RP1: variants seen among roughly 807,000 people sequenced by gnomAD.
RP1 encodes the protein RP1 axonemal microtubule associated, also known as oxygen-regulated protein 1.
A neutral mutation model predicts 14.8 loss-of-function variants in RP1; 16 were observed. The observed-to-expected ratio is 1.08, with a 90% CI of 0.73 to 1.65. RP1 has a LOEUF of 1.65. RP1 is among the 40% of genes most tolerant of loss of function. RP1 has a pLI of 0.00. For synonymous variants in RP1, 876 were observed against 883.6 expected (o/e 0.99, Z 0.15); for missense variants, 2,631 against 2,535.0 (o/e 1.04, Z -0.81).
chr8:54,625,367 G>A lies in RP1; in HGVS notation c.1485G>A (p.Lys495=). 6.2e-7 allele frequency: 1 copy of A among 1,614,068 alleles called. No homozygotes were observed. Among genetic ancestry groups the A allele is most frequent in the Non-Finnish European group, 8.5e-7 (1 of 1,180,028 alleles). Residue 495 remains lysine (K), a synonymous_variant, in exon 4 of 4, where the codon AAG becomes AAA. Transcript: ENST00000220676. ...AAGAAAGGGAAAGTGGGGAAAACAA[G>A]TCTGAGTATCACATGTTTACACATT... ...YSEERESGEN[K]SEYHMFTHSC...
At chr8:54,755,669 A>G (rs148712854) in exon 21 of RP1, 1 of 1,535,910 alleles carries the variant, frequency 6.5e-7, no homozygotes, top group Non-Finnish European at 8.7e-7. Flanking sequence ...GCATGCAGAG[A>G]CGGAGTCTGA....
intron 1 of RP1, among the ~76,000 whole-genome samples, chr8:54,567,371 G>A (rs1563314130): frequency 6.6e-6 from 1 of 151,972 alleles, no homozygotes; most frequent in Non-Finnish European, 1.5e-5. Flanking sequence ...TACCTTTCAG[G>A]AAACTACAAA....
At chr8:54,791,168 G>A (rs374297005) in intron 24 of RP1, among the ~76,000 whole-genome samples, 6 of 152,120 alleles carry the variant, frequency 3.9e-5, no homozygotes, top group African/African-American at 9.7e-5. Flanking sequence ...CTAGCAGAAC[G>A]CTTGCAGGCT....
At chr8:54,646,550 G>A (rs778421198) in intron 3 of RP1, among the ~76,000 whole-genome samples, 2 of 152,008 alleles carry the variant, frequency 1.3e-5, no homozygotes, top group African/African-American at 2.4e-5. Flanking sequence ...GCTTTCTGTC[G>A]ATTGAAATGT....
chr8:54,864,928 G>A (rs1240331379), intron 27 of RP1, among the ~76,000 whole-genome samples: 3 of 152,102 alleles, frequency 2.0e-5, no homozygotes, highest in Non-Finnish European at 2.9e-5. Context: ...TTGAGGTTTT[G>A]AATTAGTTTA....
intron 26 of RP1, among the ~76,000 whole-genome samples, chr8:54,853,460 G>A (rs1427066040): frequency 1.3e-5 from 2 of 152,122 alleles, no homozygotes; most frequent in Non-Finnish European, 2.9e-5. Flanking sequence ...ACCAGACTGG[G>A]CACCAGGAGC....
At chr8:54,800,130 G>GT (rs916877812) in intron 24 of RP1, among the ~76,000 whole-genome samples, 4 of 151,788 alleles carry the variant, frequency 2.6e-5, no homozygotes, top group Admixed American at 6.6e-5. Context: ...TGGATTGCCA[G>GT]TTTTTTTTCT....
At chr8:54,806,986 A>G (rs1448966417) in intron 24 of RP1, among the ~76,000 whole-genome samples, 1 of 152,248 alleles carries the variant, frequency 6.6e-6, no homozygotes, top group Non-Finnish European at 1.5e-5. Flanking sequence ...AAATTGAACA[A>G]AACAGGCACG....
chr8:54,741,511 A>G lies in RP1; in HGVS notation c.2808+2482A>G, dbSNP rs571137275. ...TAGCCTGTGATCAATAAGCTATACC[A>G]TATAGCCTAGGTATGTAGTAGGCTA... is the stretch of plus-strand genomic sequence containing the variant. On this transcript the variant is annotated intron_variant, in intron 19 of 22. Coordinates refer to the RP1 transcript ENST00000636932. Among the ~76,000 whole-genome samples the G allele has an allele frequency of 1.2e-4, 18 of 152,038 alleles. No homozygotes were observed. In the East Asian group the frequency reaches 3.3e-3, roughly 28 times the overall value.
rs151136671 is a variant in RP1, at chr8:54,792,247, C to A, written c.3615+8537C>A. On this transcript the variant is annotated intron_variant, in intron 24 of 28. Coordinates refer to the RP1 transcript ENST00000637698. The stretch of plus-strand genomic sequence containing the variant: ...CAATAGAAGTGAAAGGAGAAATAAG[C>A]AACAATATTATAATAGTAAGGATCT... 7.9e-4 allele frequency among the ~76,000 whole-genome samples: 120 copies of A among 151,940 alleles called. 2 individuals are homozygous for A. In the East Asian group the frequency reaches 0.023, roughly 29 times the overall value.
chr8:54,809,959 C>T (rs1272128588), intron 24 of RP1, among the ~76,000 whole-genome samples: 1 of 152,124 alleles, frequency 6.6e-6, no homozygotes, highest in Non-Finnish European at 1.5e-5. Context: ...GGTAAAAGCT[C>T]ATCTGAAAGT....
At chr8:54,701,736 T>A in intron 14 of RP1, 1 of 1,339,154 alleles carries the variant, frequency 7.5e-7, no homozygotes, top group Non-Finnish European at 1.0e-6. Context: ...GCAAAAGTCT[T>A]AAATTGAGTC....
chr8:54,766,984 G>C (rs1239713707), intron 22 of RP1, among the ~76,000 whole-genome samples: 1 of 152,062 alleles, frequency 6.6e-6, no homozygotes, highest in East Asian at 1.9e-4. Context: ...ATTGGCTTTG[G>C]GGGAATTTTC....
intron 3 of RP1, among the ~76,000 whole-genome samples, chr8:54,637,186 A>G (rs182650666): frequency 6.6e-6 from 1 of 152,348 alleles, no homozygotes; most frequent in African/African-American, 2.4e-5. Flanking sequence ...ATAGAGTCTC[A>G]TGAAATATCT....
chr8:54,789,335 C>T (rs552695330), intron 24 of RP1, among the ~76,000 whole-genome samples: 18 of 152,288 alleles, frequency 1.2e-4, no homozygotes, highest in African/African-American at 4.1e-4. Context: ...CATGCCAAGC[C>T]ATGGAGCCTA....
chr8:54,781,533 G>A (rs1810188861), intron 23 of RP1, among the ~76,000 whole-genome samples: 1 of 152,064 alleles, frequency 6.6e-6, no homozygotes, highest in Non-Finnish European at 1.5e-5. Context: ...ACACATACAA[G>A]CAATACAAAA....
At chr8:54,714,191 G>T (rs895977212) in intron 15 of RP1, among the ~76,000 whole-genome samples, 1 of 152,154 alleles carries the variant, frequency 6.6e-6, no homozygotes, top group Non-Finnish European at 1.5e-5. Flanking sequence ...CTCCCAAAGT[G>T]CTGGGATTAC....
chr8:54,584,464 G>T (rs995823843), intron 1 of RP1, among the ~76,000 whole-genome samples: 13 of 152,254 alleles, frequency 8.5e-5, no homozygotes, highest in African/African-American at 2.6e-4. Context: ...GTGCTGAAAA[G>T]AATGTATATT....
intron 3 of RP1, 64 bp downstream of exon 3, chr8:54,622,352 G>A (rs1225851907): frequency 1.1e-5 from 16 of 1,446,700 alleles, no homozygotes; most frequent in Non-Finnish European, 1.5e-5. Flanking sequence ...CCTCAAGGAC[G>A]GCAAAATCCA....
Sources: allele counts gnomAD v4.1 joint callset (sites outside exome capture counted in the v4.1 genomes callset), GRCh38; gene constraint gnomAD v4.1.1; transcripts MANE v1.5; gene names NCBI Gene and HGNC (gene_info 2026-07-23, HGNC 2026-07-21).